RAB28: variants seen among roughly 807,000 people sequenced by gnomAD.
RAB28 encodes ras-related protein Rab-28.
In RAB28, 24 loss-of-function variants were observed where a neutral mutation model predicts 31.7. That is an observed-to-expected ratio of 0.76 (90% confidence interval 0.55 to 1.06). The LOEUF is 1.06. Among genes scored for constraint, RAB28 ranks in the 50% least tolerant of loss-of-function variants. The pLI is 0.00. For synonymous variants in RAB28, 100 were observed against 90.4 expected (o/e 1.11, Z -0.60); for missense variants, 254 against 258.5 (o/e 0.98, Z 0.12).
At chr4:13,427,248 G>T (rs1484211496) in intron 4 of RAB28, among the ~76,000 whole-genome samples, 1 of 152,140 alleles carries the variant, frequency 6.6e-6, no homozygotes, top group Non-Finnish European at 1.5e-5. Context: ...GAAGACTTAA[G>T]GGCCTTCTTA....
chr4:13,435,980 T>C (rs766428894), intron 4 of RAB28, among the ~76,000 whole-genome samples: 2 of 151,836 alleles, frequency 1.3e-5, no homozygotes, highest in Admixed American at 1.3e-4. Context: ...CAGTGGCAAA[T>C]CAAATCAAGC....
chr4:13,428,111 C>T (rs1274854852), intron 4 of RAB28, among the ~76,000 whole-genome samples: 6 of 152,208 alleles, frequency 3.9e-5, no homozygotes, highest in Non-Finnish European at 8.8e-5. Context: ...CTTTTCCATA[C>T]AATACCTGGA....
intron 4 of RAB28, among the ~76,000 whole-genome samples, chr4:13,384,433 T>C (rs1381395109): frequency 1.3e-5 from 2 of 152,162 alleles, no homozygotes; most frequent in Admixed American, 6.5e-5. Flanking sequence ...TGCCGCTGCC[T>C]TACGAAACAC....
intron 3 of RAB28, among the ~76,000 whole-genome samples, chr4:13,471,788 T>G (rs1716132906): frequency 6.6e-6 from 1 of 152,004 alleles, no homozygotes; most frequent in South Asian, 2.1e-4. Flanking sequence ...AAAAACACAG[T>G]ACATCCTTAT....
chr4:13,395,627 C>T (rs1729844075), intron 4 of RAB28, among the ~76,000 whole-genome samples: 1 of 151,200 alleles, frequency 6.6e-6, no homozygotes, highest in African/African-American at 2.5e-5. Flanking sequence ...CTACTGATAA[C>T]AAGGGAGAGA....
intron 5 of RAB28, among the ~76,000 whole-genome samples, chr4:13,379,359 C>G (rs1183970702): frequency 6.6e-6 from 1 of 151,880 alleles, no homozygotes; most frequent in Non-Finnish European, 1.5e-5. Flanking sequence ...CTGTGTTTTT[C>G]TCTGGTCATG....
intron 6 of RAB28, chr4:13,369,887 A>G: frequency 6.2e-7 from 1 of 1,612,134 alleles, no homozygotes; most frequent in South Asian, 1.1e-5. Context: ...TACTGTACTG[A>G]ACAGATTCTA....
intron 2 of RAB28, among the ~76,000 whole-genome samples, chr4:13,475,562 A>G (rs1716323041): frequency 6.6e-6 from 1 of 151,604 alleles, no homozygotes; most frequent in Non-Finnish European, 1.5e-5. Context: ...ACAGTTTTCT[A>G]AATTTTGGTG....
intron 4 of RAB28, among the ~76,000 whole-genome samples, chr4:13,398,611 T>C (rs1422093770): frequency 6.6e-6 from 1 of 152,006 alleles, no homozygotes; most frequent in Non-Finnish European, 1.5e-5. Context: ...ACCCCATCTC[T>C]ACTAAAAATA....
chr4:13,431,751 A>C (rs977189029), intron 4 of RAB28, among the ~76,000 whole-genome samples: 2 of 152,082 alleles, frequency 1.3e-5, no homozygotes. Flanking sequence ...CACAATATAC[A>C]CTACAGTAAT....
In RAB28 at chr4:13,367,969, A is replaced by G. The variant is rs186660835; in HGVS notation, c.*589T>C. The G allele has an allele frequency of 5.2e-6, 5 of 970,366 alleles. No individual in the cohort carries two copies. The East Asian group carries it at 4.6e-4, about 89-fold the overall frequency. The allele number at this position is 970,366 out of a possible 1,614,324, so 60.1% of individuals were successfully genotyped here. A position where few individuals can be genotyped will look rare whatever the true frequency, so the allele number is the denominator to read the frequency against. On this transcript the variant is annotated 3_prime_UTR_variant, in exon 7 of 7. Transcript: ENST00000330852. ...AATATTACTTTGTGAGTTACAAACT[A>G]CAATATAAACAATTTAGGCCCTTTT...
At chr4:13,434,926 G>C (rs1447249480) in intron 4 of RAB28, among the ~76,000 whole-genome samples, 2 of 149,730 alleles carry the variant, frequency 1.3e-5, no homozygotes, top group East Asian at 3.9e-4. Flanking sequence ...GGCTGAGGCA[G>C]GAAAATCACT....
chr4:13,381,403 CCAA>C, intron 5 of RAB28, 85 bp downstream of exon 5: 1 of 935,116 alleles, frequency 1.1e-6, no homozygotes, highest in Non-Finnish European at 1.6e-6. Flanking sequence ...TTAATTTGCT[CCAA>C]AAGTTAAATA....
chr4:13,384,836 TCTC>T lies in RAB28; in HGVS notation c.392-3245_392-3243del, dbSNP rs1481075607. On this transcript the variant is annotated intron_variant, in intron 4 of 6. Transcript: ENST00000330852. ...CTTTCCTCTAAATGACGGCACTACT[TCTC>T]CTGCAAGGGTTCTGAACTGGACTGA... 2.6e-5 allele frequency among the ~76,000 whole-genome samples: 4 copies of T among 152,192 alleles called. No individual in the cohort carries two copies. The East Asian group carries it at 5.8e-4, about 22-fold the overall frequency.
intron 3 of RAB28, among the ~76,000 whole-genome samples, chr4:13,461,777 A>G (rs1413905161): frequency 1.3e-5 from 2 of 152,206 alleles, no homozygotes; most frequent in African/African-American, 2.4e-5. Flanking sequence ...CTCTACATAC[A>G]GTATAAGCCC....
At chr4:13,393,225 G>A (rs541015651) in intron 4 of RAB28, among the ~76,000 whole-genome samples, 2 of 152,330 alleles carry the variant, frequency 1.3e-5, no homozygotes, top group East Asian at 3.9e-4. Context: ...CCATGTCACA[G>A]AGAAAGTGAT....
At chr4:13,441,406 G>A (rs1714409285) in intron 4 of RAB28, among the ~76,000 whole-genome samples, 1 of 152,058 alleles carries the variant, frequency 6.6e-6, no homozygotes, top group Non-Finnish European at 1.5e-5. Context: ...ATTTTCCACT[G>A]TAATCAACAT....
At chr4:13,381,065 G>A (rs1158441336) in intron 5 of RAB28, among the ~76,000 whole-genome samples, 1 of 151,938 alleles carries the variant, frequency 6.6e-6, no homozygotes, top group African/African-American at 2.4e-5. Context: ...CGTGTAATCT[G>A]GACCCCATTA....
At chr4:13,420,887 T>C (rs1281828703) in intron 4 of RAB28, among the ~76,000 whole-genome samples, 1 of 152,286 alleles carries the variant, frequency 6.6e-6, no homozygotes, top group Middle Eastern at 3.4e-3. Context: ...TTCAACATAG[T>C]GTTGGAAGTT....
Sources: gnomAD v4.1 joint callset for allele counts (sites outside exome capture counted in the v4.1 genomes callset) on GRCh38, gnomAD v4.1.1 for gene constraint, MANE v1.5 for transcripts, NCBI Gene and HGNC (gene_info 2026-07-23, HGNC 2026-07-21) for gene names.